HOPX: variants seen among roughly 807,000 people sequenced by gnomAD.
HOPX encodes HOP homeobox.
A neutral mutation model predicts 11.8 loss-of-function variants in HOPX; 5 were observed. The ratio of observed to expected loss-of-function variants is 0.43; its 90% CI spans 0.22 to 0.89. HOPX has a LOEUF of 0.89. HOPX is among the 40% of genes least tolerant of loss of function. The pLI is 0.28. For missense variants in HOPX, 119 were observed against 120.0 expected (o/e 0.99, Z 0.04); for synonymous variants, 49 against 49.7 (o/e 0.99, Z 0.06).
intron 1 of HOPX, among the ~76,000 whole-genome samples, chr4:56,668,734 G>C (rs1435715581): frequency 2.0e-5 from 3 of 152,160 alleles, no homozygotes; most frequent in African/African-American, 7.2e-5. Context: ...ATCTGTAATG[G>C]ATAAATTATA....
chr4:56,669,425 G>C (rs112629318), intron 1 of HOPX, among the ~76,000 whole-genome samples: 1 of 151,836 alleles, frequency 6.6e-6, no homozygotes, highest in Non-Finnish European at 1.5e-5. Context: ...AGGGGAGGCC[G>C]AGGCAGGTGG....
intron 1 of HOPX, among the ~76,000 whole-genome samples, chr4:56,666,570 T>C (rs544007785): frequency 6.6e-6 from 1 of 152,334 alleles, no homozygotes; most frequent in South Asian, 2.1e-4. Context: ...GATAGCCCAA[T>C]TCGTGTTCTA....
chr4:56,651,885 T>A (rs1219596484), intron 3 of HOPX, among the ~76,000 whole-genome samples: 67 of 149,762 alleles, frequency 4.5e-4, no homozygotes, highest in African/African-American at 1.4e-3. Flanking sequence ...TGTGTGTGTG[T>A]GTGTGTGTGT....
At chr4:56,675,784 C>T (rs998981307) in intron 1 of HOPX, among the ~76,000 whole-genome samples, 17 of 151,736 alleles carry the variant, frequency 1.1e-4, no homozygotes, top group Non-Finnish European at 2.5e-4. Context: ...AGGCTTGCTG[C>T]CCCTCTATCA....
chr4:56,656,423 G>T (rs1485674751), intron 2 of HOPX: 2 of 990,564 alleles, frequency 2.0e-6, no homozygotes, highest in Admixed American at 6.1e-5. Context: ...CCGAAAGGGG[G>T]ACCTCCCCTG....
intron 2 of HOPX, among the ~76,000 whole-genome samples, chr4:56,657,036 G>A (rs897759217): frequency 1.3e-5 from 2 of 152,272 alleles, no homozygotes; most frequent in East Asian, 1.9e-4. Flanking sequence ...AAGATCTCTT[G>A]TATCTCCTTA....
chr4:56,666,586 G>C (rs1718454298), intron 1 of HOPX, among the ~76,000 whole-genome samples: 2 of 152,172 alleles, frequency 1.3e-5, no homozygotes, highest in Admixed American at 1.3e-4. Flanking sequence ...TTCTAATCTT[G>C]TATGTGGAAA....
upstream of HOPX, chr4:56,681,309 T>C: frequency 1.0e-6 from 1 of 985,462 alleles, no homozygotes; most frequent in African/African-American, 1.7e-5. Context: ...TGTTTGCTGA[T>C]GCCAGCCTGC....
At chr4:56,669,125 A>G (rs556404588) in intron 1 of HOPX, among the ~76,000 whole-genome samples, 1 of 152,332 alleles carries the variant, frequency 6.6e-6, no homozygotes, top group East Asian at 1.9e-4. Flanking sequence ...AAATTCTGAC[A>G]GTCAGAGTGG....
intron 1 of HOPX, 189 bp downstream of exon 1, chr4:56,681,066 G>A: frequency 1.0e-6 from 1 of 985,264 alleles, no homozygotes; most frequent in Non-Finnish European, 1.2e-6. Context: ...TTGTTTGTAA[G>A]GGACTGATGT....
chr4:56,681,384 A>G (rs1719317302), upstream of HOPX: 1 of 985,316 alleles, frequency 1.0e-6, no homozygotes, highest in Non-Finnish European at 1.2e-6. Context: ...ATGAGCACAC[A>G]CTCGAGCAAG....
intron 3 of HOPX, 148 bp downstream of exon 3, chr4:56,655,709 G>T: frequency 1.0e-6 from 1 of 957,614 alleles, no homozygotes; most frequent in Non-Finnish European, 1.5e-6. Context: ...GCCATGCAGG[G>T]TCTGGGCCCC....
At chr4:56,672,636 A>C (rs1365843071) in intron 1 of HOPX, 2 of 151,926 alleles carry the variant, frequency 1.3e-5, no homozygotes, top group Admixed American at 1.3e-4. Context: ...TATTATTATT[A>C]CTTGAGATGG....
At chr4:56,668,160 G>A (rs1718538843) in intron 1 of HOPX, among the ~76,000 whole-genome samples, 1 of 152,182 alleles carries the variant, frequency 6.6e-6, no homozygotes, top group Admixed American at 6.5e-5. Context: ...CCTGACCTCA[G>A]GTGATCCAAC....
At chr4:56,650,619 AC>A (rs1717069430) in intron 3 of HOPX, 16 of 1,521,912 alleles carry the variant, frequency 1.1e-5, no homozygotes, top group Non-Finnish European at 1.2e-5. Flanking sequence ...CCTACACCTC[AC>A]CCACCTGTAC....
intron 1 of HOPX, among the ~76,000 whole-genome samples, chr4:56,671,340 A>G (rs1358070763): frequency 6.6e-6 from 1 of 152,104 alleles, no homozygotes; most frequent in Non-Finnish European, 1.5e-5. Flanking sequence ...TACTGCAAGC[A>G]GACAGAACTT....
chr4:56,657,041 T>A (rs929226727), intron 2 of HOPX, among the ~76,000 whole-genome samples: 1 of 152,194 alleles, frequency 6.6e-6, no homozygotes, highest in Non-Finnish European at 1.5e-5. Context: ...CTCTTGTATC[T>A]CCTTACTTTA....
chr4:56,655,173 C>A (rs2109473890), intron 3 of HOPX, among the ~76,000 whole-genome samples: 1 of 152,292 alleles, frequency 6.6e-6, no homozygotes. Context: ...TATCTACCGT[C>A]TTATAAAACG....
intron 1 of HOPX, among the ~76,000 whole-genome samples, chr4:56,661,649 G>T (rs534006056): frequency 6.6e-6 from 1 of 152,282 alleles, no homozygotes; most frequent in African/African-American, 2.4e-5. Flanking sequence ...AAGTTGTTGT[G>T]TGTTCTTTTT....
Sources: allele counts gnomAD v4.1 joint callset (sites outside exome capture counted in the v4.1 genomes callset), GRCh38; gene constraint gnomAD v4.1.1; transcripts MANE v1.5; gene names NCBI Gene and HGNC (gene_info 2026-07-23, HGNC 2026-07-21).